The following CLECL1 variants were observed in gnomAD, a reference collection of about 807,000 sequenced individuals.
CLECL1 encodes C-type lectin-like domain family 1.
chr12:9,705,755 A>G, the CLECL1 span, among the ~76,000 whole-genome samples: 1 of 152,026 alleles, frequency 6.6e-6, no homozygotes. Context: ...CCATTGGTCT[A>G]TGTGTCTGTT....
At chr12:9,704,109 A>C in the CLECL1 span, 2 of 152,226 alleles carry the variant, frequency 1.3e-5, no homozygotes, top group Non-Finnish European at 2.9e-5. Flanking sequence ...TTTACAAGAC[A>C]TATCTTGTAT....
chr12:9,730,131 C>T (rs975209039), intron 1 of CLECL1, among the ~76,000 whole-genome samples: 3 of 152,152 alleles, frequency 2.0e-5, no homozygotes, highest in East Asian at 3.8e-4. Flanking sequence ...ATTATTTTAA[C>T]GCAATACCCA....
At chr12:9,730,698 C>A (rs1216673716) in intron 1 of CLECL1, among the ~76,000 whole-genome samples, 1 of 148,248 alleles carries the variant, frequency 6.7e-6, no homozygotes, top group Non-Finnish European at 1.5e-5. Context: ...TTTTTCTTTT[C>A]TTTTTTTTTT....
In CLECL1 at chr12:9,732,929, G is replaced by T; in HGVS notation, n.82+20C>A. ...ACTAGTAAAATCTTAATTCTCAAAG[G>T]CACCCTAAATCCAGCTTACCAGATC... On this transcript the variant is annotated intron_variant and non_coding_transcript_variant, in intron 1 of 3. Coordinates refer to ENST00000621400, the Ensembl canonical transcript of CLECL1. 2.6e-6 allele frequency: 4 copies of T among 1,550,160 alleles called. No homozygotes were observed. Among genetic ancestry groups the T allele is most frequent in the Non-Finnish European group, 3.5e-6 (4 of 1,145,718 alleles).
At chr12:9,710,674 A>G in the CLECL1 span, among the ~76,000 whole-genome samples, 1 of 152,238 alleles carries the variant, frequency 6.6e-6, no homozygotes, top group Non-Finnish European at 1.5e-5. Context: ...AGAGGAGCAC[A>G]TCAGCGGAGG....
At chr12:9,726,184 G>C (rs907673003) in intron 3 of CLECL1, among the ~76,000 whole-genome samples, 3 of 151,700 alleles carry the variant, frequency 2.0e-5, no homozygotes, top group Non-Finnish European at 4.4e-5. Context: ...TGGTCACCAA[G>C]GACTTTAGAT....
chr12:9,704,805 C>G, the CLECL1 span, among the ~76,000 whole-genome samples: 1 of 152,172 alleles, frequency 6.6e-6, no homozygotes, highest in South Asian at 2.1e-4. Context: ...TTTATCCAGT[C>G]TATCGTTGAT....
chr12:9,705,701 T>C, the CLECL1 span, among the ~76,000 whole-genome samples: 1 of 152,170 alleles, frequency 6.6e-6, no homozygotes, highest in Non-Finnish European at 1.5e-5. Flanking sequence ...AAAGATCAGA[T>C]GGTTGTAGGT....
At chr12:9,717,832 C>T (rs987995248), downstream of CLECL1, among the ~76,000 whole-genome samples, 1 of 152,058 alleles carries the variant, frequency 6.6e-6, no homozygotes, top group Admixed American at 6.5e-5. Flanking sequence ...GTCTTCCATT[C>T]TGCTTGCTTT....
At chr12:9,729,631 A>T (rs1272083165) in exon 2 of CLECL1, among the ~76,000 whole-genome samples, 1 of 152,148 alleles carries the variant, frequency 6.6e-6, no homozygotes, top group African/African-American at 2.4e-5. Context: ...GAAGGATAAT[A>T]TTATTGCACA....
At chr12:9,723,448 ACACACACACACG>A (rs1177141290) in intron 3 of CLECL1, among the ~76,000 whole-genome samples, 1 of 105,100 alleles carries the variant, frequency 9.5e-6, no homozygotes. Flanking sequence ...ACAGACACAC[ACACACACACACG>A]CACGCACACA....
At chr12:9,708,808 C>A in the CLECL1 span, 5 of 178,832 alleles carry the variant, frequency 2.8e-5, no homozygotes, top group Admixed American at 1.9e-4. Flanking sequence ...TTTCTCTCTC[C>A]ATCACACCCT....
chr12:9,731,240 A>G (rs1866443673), intron 1 of CLECL1, among the ~76,000 whole-genome samples: 1 of 152,214 alleles, frequency 6.6e-6, no homozygotes, highest in Non-Finnish European at 1.5e-5. Context: ...GCATACATAT[A>G]TACATTCATC....
At chr12:9,721,976 A>G (rs1342478381), downstream of CLECL1, among the ~76,000 whole-genome samples, 1 of 152,170 alleles carries the variant, frequency 6.6e-6, no homozygotes, top group Non-Finnish European at 1.5e-5. Context: ...GCCCTTTTCT[A>G]AGTTCTTTCA....
At position 9,732,941 on chromosome 12, in the gene CLECL1, C is replaced by A; in HGVS notation, n.82+8G>T. ...TTAATTCTCAAAGGCACCCTAAATCCAGCTTACCAGATCTCTGAAGTGGAA... is the reference window on the plus strand; with the variant it reads ...TTAATTCTCAAAGGCACCCTAAATCAAGCTTACCAGATCTCTGAAGTGGAA... On this transcript the variant is annotated splice_region_variant and intron_variant and non_coding_transcript_variant, in intron 1 of 3. Transcript: ENST00000621400. 2 of 1,583,056 alleles carry A rather than the reference C, an allele frequency of 1.3e-6. No homozygotes were observed. Among genetic ancestry groups the A allele is most frequent in the Non-Finnish European group, 1.7e-6 (2 of 1,162,120 alleles).
exon 1 of CLECL1, chr12:9,733,003 T>G: frequency 6.2e-7 from 1 of 1,614,138 alleles, no homozygotes; most frequent in Non-Finnish European, 8.5e-7. Flanking sequence ...ACAGTTTTGA[T>G]GTCAGCGTAG....
chr12:9,729,180 C>G (rs1690487477), intron 2 of CLECL1, among the ~76,000 whole-genome samples: 1 of 151,984 alleles, frequency 6.6e-6, no homozygotes, highest in Non-Finnish European at 1.5e-5. Context: ...ACAAATTTCT[C>G]ACCTGTTGAC....
downstream of CLECL1, chr12:9,718,786 G>A (rs1380867390): frequency 7.1e-6 from 5 of 700,070 alleles, no homozygotes; most frequent in South Asian, 7.5e-5. Context: ...TGAAAACCAA[G>A]GAGAGATGCC....
At chr12:9,718,767 G>A, downstream of CLECL1, 1 of 700,862 alleles carries the variant, frequency 1.4e-6, no homozygotes, top group South Asian at 1.5e-5. Flanking sequence ...CAGCAAAAAG[G>A]TGATCAGCTG....
Sources: gnomAD v4.1 joint callset for allele counts (sites outside exome capture counted in the v4.1 genomes callset) on GRCh38, gnomAD v4.1.1 for gene constraint, MANE v1.5 for transcripts, NCBI Gene and HGNC (gene_info 2026-07-23, HGNC 2026-07-21) for gene names.